Variants in CCZ1 observed in about 807,000 individuals in gnomAD.
CCZ1 encodes CCZ1 vacuolar protein trafficking and biogenesis associated.
In CCZ1, 19 loss-of-function variants were observed where a neutral mutation model predicts 57.8. The ratio of observed to expected loss-of-function variants is 0.33; its 90% CI spans 0.23 to 0.48. CCZ1 has a LOEUF of 0.48. Among genes scored for constraint, CCZ1 ranks in the 20% least tolerant of loss-of-function variants. The pLI, the probability that CCZ1 is intolerant of heterozygous loss-of-function variation, is 0.99. For missense variants in CCZ1, 200 were observed against 492.0 expected (o/e 0.41, Z 5.61); for synonymous variants, 81 against 167.0 (o/e 0.49, Z 3.97).
rs757506383 is a variant in CCZ1, at chr7:5,905,260, A to C, written c.689A>C (p.Gln230Pro). The C allele has an allele frequency of 3.3e-6, 5 of 1,518,550 alleles. No individual in the cohort carries two copies. Among genetic ancestry groups the C allele is most frequent in the Non-Finnish European group, 4.4e-6 (5 of 1,123,652 alleles). 94.1% of individuals were successfully genotyped at this position (1,518,550 alleles called of 1,614,324 possible). A position where few individuals can be genotyped will look rare whatever the true frequency, so the allele number is the denominator to read the frequency against. ...VKYTAFLYNDQLIWSGLEQDD... is the reference protein window; with the variant it reads ...VKYTAFLYNDPLIWSGLEQDD... ...TACACTGCTTTTCTCTATAACGATC[A>C]GCTCATCTGGTAGGTACACCCCGAG... The change falls in exon 7 of 15, where the codon CAG becomes CCG. Residue 230 changes from glutamine to proline, a missense_variant. Physicochemically the swap from Gln to Pro is moderately conservative, Grantham distance 76. Transcript: ENST00000325974.
At chr7:5,905,519 C>T (rs1203974504) in intron 7 of CCZ1, among the ~76,000 whole-genome samples, 1 of 146,364 alleles carries the variant, frequency 6.8e-6, no homozygotes, top group Non-Finnish European at 1.5e-5. Flanking sequence ...CACGGTGGCT[C>T]ACACCTGTAA....
chr7:5,923,162 C>CA (rs1464119664), intron 12 of CCZ1, among the ~76,000 whole-genome samples: 30 of 104,876 alleles, frequency 2.9e-4, no homozygotes, highest in East Asian at 1.3e-3. Flanking sequence ...ACTAAAAATA[C>CA]AAAAATTAGC....
chr7:5,904,445 G>C (rs187926208), intron 6 of CCZ1, among the ~76,000 whole-genome samples: 2 of 145,828 alleles, frequency 1.4e-5, no homozygotes, highest in East Asian at 2.3e-4. Context: ...TATTCCCAGC[G>C]CTTTGGGACG....
In CCZ1 at chr7:5,899,332, G is replaced by GTGTGT. The variant is rs1781623164; in HGVS notation, c.120+413_120+414insTGTGT. On this transcript the variant is annotated intron_variant, in intron 1 of 14. Transcript: ENST00000325974. ...GAGGAAATAAATTAATTTCGGGAGG[G>GTGTGT]GGGTGTGTGTGTGTGTGTGTGTGTG... is the stretch of plus-strand genomic sequence containing the variant. Among the ~76,000 whole-genome samples the GTGTGT allele has an allele frequency of 6.9e-4, 89 of 128,904 alleles. 2 individuals are homozygous for GTGTGT. Among genetic ancestry groups the GTGTGT allele is most frequent in the Middle Eastern group, 3.7e-3 (1 of 272 alleles). 84.6% of individuals were successfully genotyped at this position (128,904 alleles called of 152,430 possible). A position where few individuals can be genotyped will look rare whatever the true frequency, so the allele number is the denominator to read the frequency against.
intron 7 of CCZ1, among the ~76,000 whole-genome samples, chr7:5,908,939 T>G (rs1781899195): frequency 6.8e-6 from 1 of 147,506 alleles, no homozygotes. Context: ...ACGTTCCCTG[T>G]CTACAGCATA....
chr7:5,915,725 CAG>C (rs1220070874), intron 10 of CCZ1, among the ~76,000 whole-genome samples: 1 of 123,376 alleles, frequency 8.1e-6, no homozygotes, highest in African/African-American at 2.8e-5. Flanking sequence ...CTACAGGACT[CAG>C]AAAAGGCTTT....
At position 5,900,824 on chromosome 7, in the gene CCZ1, T is replaced by C. The variant is rs531915785; in HGVS notation, c.313-31T>C. ...AAATAAACATGGTCTAATGAATTCA[T>C]TGTATAATTTCAGTTTATCAAACTT... On this transcript the variant is annotated intron_variant, in intron 3 of 14. Coordinates refer to ENST00000325974, the MANE Select transcript of CCZ1 (RefSeq NM_015622.6). The C allele has an allele frequency of 4.9e-4, 619 of 1,254,094 alleles. 10 individuals are homozygous for C. The East Asian group carries it at 0.012, about 25-fold the overall frequency. The allele number at this position is 1,254,094 out of a possible 1,614,324, so 77.7% of individuals were successfully genotyped here. A position where few individuals can be genotyped will look rare whatever the true frequency, so the allele number is the denominator to read the frequency against.
In CCZ1 at chr7:5,911,936, T is replaced by C; in HGVS notation, c.842+14T>C. ...ACACTATGGAAGGTAGGACTTCTGT[T>C]CTTTGATTTATGATACTGGGTTTTC... On this transcript the variant is annotated intron_variant, in intron 9 of 14. Coordinates refer to ENST00000325974, the MANE Select transcript of CCZ1 (RefSeq NM_015622.6). The C allele has an allele frequency of 1.3e-6, 2 of 1,565,078 alleles. No homozygotes were observed.
intron 5 of CCZ1, 49 bp from the exon 6 acceptor site, chr7:5,902,612 G>C (rs764239068): frequency 3.9e-6 from 6 of 1,540,616 alleles, no homozygotes; most frequent in Non-Finnish European, 5.2e-6. Flanking sequence ...TACTGAAAAA[G>C]TGAGCATAGG....
At chr7:5,909,332 C>T (rs1781911863) in intron 7 of CCZ1, among the ~76,000 whole-genome samples, 1 of 150,680 alleles carries the variant, frequency 6.6e-6, no homozygotes, top group Admixed American at 6.6e-5. Flanking sequence ...GCCTGGGAAT[C>T]GGTGGCTGCA....
intron 9 of CCZ1, 105 bp downstream of exon 9, chr7:5,912,027 C>T (rs1314673974): frequency 3.2e-6 from 5 of 1,581,658 alleles, no homozygotes; most frequent in East Asian, 2.3e-5. Flanking sequence ...GATCTCCGCT[C>T]ACTGCAACCT....
At chr7:5,907,468 A>G (rs1307416494) in intron 7 of CCZ1, among the ~76,000 whole-genome samples, 2 of 148,434 alleles carry the variant, frequency 1.3e-5, no homozygotes, top group African/African-American at 5.0e-5. Context: ...AGAGAAGGGT[A>G]GCTGAGATTC....
intron 6 of CCZ1, among the ~76,000 whole-genome samples, chr7:5,904,088 A>ATTT (rs746657675): frequency 0.19 from 15,641 of 84,382 alleles, 2,769 homozygotes; most frequent in East Asian, 0.63. Context: ...CAGGGAGTTA[A>ATTT]TTTTTTTTTT....
At chr7:5,916,700 G>A (rs1348022672) in intron 10 of CCZ1, among the ~76,000 whole-genome samples, 7 of 147,862 alleles carry the variant, frequency 4.7e-5, no homozygotes, top group South Asian at 4.2e-4. Flanking sequence ...TTTGATTGGG[G>A]GTTGGCCACA....
chr7:5,902,426 T>C (rs1215962395), intron 5 of CCZ1: 3 of 618,186 alleles, frequency 4.9e-6, no homozygotes, highest in Non-Finnish European at 4.6e-6. Context: ...GTTGAAATTT[T>C]TGAAAGATGC....
Position 5,903,900 on chromosome 7 carries a change from C to T in CCZ1, c.522+1156C>T, listed in dbSNP as rs561197604. On this transcript the variant is annotated intron_variant, in intron 6 of 14. Coordinates refer to ENST00000325974, the MANE Select transcript of CCZ1 (RefSeq NM_015622.6). ...ATCCCAGCTATTCTGGAGGCTGAGG[C>T]AGGAGAATCGCTTGAACCCCGGAGG... Among the ~76,000 whole-genome samples, 193 of 143,322 alleles carry T rather than the reference C, an allele frequency of 1.3e-3. 13 individuals carry two copies. Among genetic ancestry groups the T allele is most frequent in the African/African-American group, 4.9e-3 (183 of 37,538 alleles). The allele number at this position is 143,322 out of a possible 152,430, so 94.0% of individuals were successfully genotyped here. A position where few individuals can be genotyped will look rare whatever the true frequency, so the allele number is the denominator to read the frequency against.
rs200416573 is a variant in CCZ1 at position 5,923,826 on chromosome 7, G to C, written c.1266-9G>C. On this transcript the variant is annotated splice_polypyrimidine_tract_variant and intron_variant, in intron 13 of 14. Coordinates refer to ENST00000325974, the MANE Select transcript of CCZ1 (RefSeq NM_015622.6). ...AACGAACGATTGCATTTTGACCCTC[G>C]TCTTGCAGAGTGGATGAAGATGAGG... The C allele has an allele frequency of 3.7e-3, 5,800 of 1,576,874 alleles. 296 individuals are homozygous for C. In the African/African-American group the frequency reaches 0.072, roughly 19 times the overall value.
chr7:5,912,731 C>T (rs1456254413), intron 9 of CCZ1, 112 bp from the exon 10 acceptor site: 6 of 1,233,788 alleles, frequency 4.9e-6, no homozygotes, highest in Non-Finnish European at 7.2e-6. Flanking sequence ...TGCCAAATAG[C>T]ACCTGGCATC....
intron 6 of CCZ1, among the ~76,000 whole-genome samples, chr7:5,904,353 T>A (rs527891838): frequency 2.9e-5 from 4 of 139,994 alleles, no homozygotes; most frequent in Admixed American, 2.1e-4. Flanking sequence ...CCCAAAGGGC[T>A]GGGATTACAG....
Sources: gnomAD v4.1 joint callset for allele counts (sites outside exome capture counted in the v4.1 genomes callset) on GRCh38, gnomAD v4.1.1 for gene constraint, MANE v1.5 for transcripts, NCBI Gene and HGNC (gene_info 2026-07-23, HGNC 2026-07-21) for gene names.